The following PSME3IP1 variants were observed in gnomAD, a reference collection of about 807,000 sequenced individuals.
PSME3IP1 encodes PSME3-interacting protein.
A neutral mutation model predicts 34.1 loss-of-function variants in PSME3IP1; 13 were observed. The observed-to-expected ratio is 0.38, with a 90% CI of 0.25 to 0.61. PSME3IP1 has a LOEUF of 0.61. Ranked by LOEUF, PSME3IP1 falls within the 20% of genes least tolerant of loss-of-function variation. The probability of loss-of-function intolerance (pLI) is 0.60; values close to 1 mark genes in which losing one functional copy is unlikely to be tolerated. For synonymous variants in PSME3IP1, 93 were observed against 114.3 expected, an observed-to-expected ratio of 0.81 and a Z score of 1.19; for missense variants, 237 against 301.4, an observed-to-expected ratio of 0.79 and a Z score of 1.58.
At chr16:57,160,798 A>G (rs1246604293) in intron 6 of PSME3IP1, among the ~76,000 whole-genome samples, 1 of 152,224 alleles carries the variant, frequency 6.6e-6, no homozygotes, top group Non-Finnish European at 1.5e-5. Context: ...TTAAAATACT[A>G]CTAACAATGA....
At chr16:57,185,484 G>C (rs935070100) in intron 1 of PSME3IP1, 1 of 982,220 alleles carries the variant, frequency 1.0e-6, no homozygotes, top group East Asian at 1.1e-4. Context: ...GAGTAACCTG[G>C]ACCTGTTCCA....
intron 5 of PSME3IP1, among the ~76,000 whole-genome samples, chr16:57,164,708 C>T (rs1252062092): frequency 6.6e-6 from 1 of 152,166 alleles, no homozygotes; most frequent in Non-Finnish European, 1.5e-5. Flanking sequence ...TATTTTCTTG[C>T]AGGGAGTACA....
intron 2 of PSME3IP1, 85 bp from the exon 3 acceptor site, chr16:57,172,959 A>G: frequency 1.1e-6 from 1 of 901,520 alleles, no homozygotes; most frequent in Non-Finnish European, 1.8e-6. Flanking sequence ...GGAATCACAA[A>G]AGGTTTTAAA....
chr16:57,163,484 T>A, intron 6 of PSME3IP1, among the ~76,000 whole-genome samples: 1 of 152,224 alleles, frequency 6.6e-6, no homozygotes, highest in East Asian at 1.9e-4. Flanking sequence ...CCAGCCCCAG[T>A]AACATTCACC....
At chr16:57,174,520 C>A in intron 1 of PSME3IP1, 1 of 985,410 alleles carries the variant, frequency 1.0e-6, no homozygotes, top group East Asian at 1.1e-4. Context: ...CTGAGCATCC[C>A]ATCCTTTTCC....
intron 6 of PSME3IP1, among the ~76,000 whole-genome samples, chr16:57,155,525 T>C (rs1159629043): frequency 6.6e-6 from 1 of 152,132 alleles, no homozygotes; most frequent in African/African-American, 2.4e-5. Context: ...TCCCACACTT[T>C]GGGAGGCCAA....
At chr16:57,178,585 A>C (rs1416341378) in intron 1 of PSME3IP1, 1 of 985,256 alleles carries the variant, frequency 1.0e-6, no homozygotes, top group African/African-American at 1.7e-5. Context: ...TGTGCAATGT[A>C]AGTTATAGAG....
chr16:57,163,057 C>A (rs976364331), intron 6 of PSME3IP1, among the ~76,000 whole-genome samples: 1 of 151,890 alleles, frequency 6.6e-6, no homozygotes, highest in Non-Finnish European at 1.5e-5. Context: ...CCCAAATACT[C>A]GGGAGGGTGA....
rs144427147 is a variant in PSME3IP1 at position 57,172,991 on chromosome 16, G to A, written c.128-117C>T. On this transcript the variant is annotated intron_variant, in intron 2 of 6. Coordinates refer to ENST00000309137, the MANE Select transcript of PSME3IP1 (RefSeq NM_024946.4). ...TAAAGACAAAGTCAAGTCTCTGCAT[G>A]ATCTGAGGGTGTGGATAACACAAAA... 1,106 of 699,958 alleles carry A rather than the reference G, an allele frequency of 1.6e-3. 9 individuals are homozygous for A. In the Middle Eastern group the frequency reaches 0.024, roughly 15 times the overall value. 43.4% of individuals were successfully genotyped at this position (699,958 alleles called of 1,614,324 possible).
intron 4 of PSME3IP1, among the ~76,000 whole-genome samples, chr16:57,171,190 G>A (rs2072543092): frequency 6.6e-6 from 1 of 152,150 alleles, no homozygotes; most frequent in Non-Finnish European, 1.5e-5. Flanking sequence ...AAAATCTGAG[G>A]GCAGAACATT....
intron 6 of PSME3IP1, among the ~76,000 whole-genome samples, chr16:57,155,486 G>A (rs1177943526): frequency 6.6e-6 from 1 of 152,090 alleles, no homozygotes; most frequent in Non-Finnish European, 1.5e-5. Context: ...AAATTAGACA[G>A]TGCCAAGTGA....
At chr16:57,172,950 G>A (rs1268562715) in intron 2 of PSME3IP1, 76 bp from the exon 3 acceptor site, 2 of 1,000,000 alleles carry the variant, frequency 2.0e-6, no homozygotes, top group Admixed American at 3.6e-5. Flanking sequence ...TATTATTTTG[G>A]AATCACAAAA....
Position 57,185,826 on chromosome 16 carries a change from G to C in PSME3IP1, c.-21C>G, listed in dbSNP as rs565808651. 1.0e-6 allele frequency: 1 copy of C among 985,112 alleles called. No homozygotes were observed. Among genetic ancestry groups the C allele is most frequent in the African/African-American group, 1.7e-5 (1 of 57,158 alleles). 61.0% of individuals were successfully genotyped at this position (985,112 alleles called of 1,614,324 possible). On this transcript the variant is annotated 5_prime_UTR_variant, in exon 1 of 7. Coordinates refer to ENST00000309137, the MANE Select transcript of PSME3IP1 (RefSeq NM_024946.4). ...AGGACCGAGGCCGCACTCACCTACC[G>C]GCGCGCGGGAGGCGAGACGACCTCA...
intron 6 of PSME3IP1, among the ~76,000 whole-genome samples, chr16:57,162,951 G>A (rs2071435429): frequency 6.6e-6 from 1 of 152,080 alleles, no homozygotes; most frequent in African/African-American, 2.4e-5. Context: ...GATCACTTGA[G>A]GTCAGGAGTG....
chr16:57,164,139 A>G (rs993873484), intron 5 of PSME3IP1, 74 bp from the exon 6 acceptor site: 16 of 1,284,728 alleles, frequency 1.2e-5, no homozygotes, highest in Middle Eastern at 4.9e-4. Context: ...AGGAGCTCCA[A>G]TAACTATTTA....
At chr16:57,184,451 C>T (rs1227955274) in intron 1 of PSME3IP1, among the ~76,000 whole-genome samples, 2 of 151,988 alleles carry the variant, frequency 1.3e-5, no homozygotes, top group East Asian at 1.9e-4. Context: ...TTAAACTTGT[C>T]GATACTTGAT....
chr16:57,154,298 C>G lies in PSME3IP1; in HGVS notation c.757G>C (p.Ala253Pro). The G allele has an allele frequency of 1.9e-6, 3 of 1,613,650 alleles. No individual in the cohort carries two copies. Among genetic ancestry groups the G allele is most frequent in the Non-Finnish European group, 2.5e-6 (3 of 1,179,912 alleles). The change falls in exon 7 of 7, where the codon GCC (alanine) becomes CCC (proline). Residue 253 changes from alanine (A) to proline (P), a missense_variant. Physicochemically the swap from Ala to Pro is conservative, Grantham distance 27. Transcript: ENST00000309137. The surrounding 1 kb of genome is among the most constrained non-coding windows in gnomAD (Gnocchi z 4.0). Reference sequence around the variant, plus strand: ...GTGTAGGGACGGAGAAACTAGGGGGCCTCGAGGAAGGTGTTGGTTCGGAAG... The same window carrying G: ...GTGTAGGGACGGAGAAACTAGGGGGGCTCGAGGAAGGTGTTGGTTCGGAAG... ...SIFRTNTFLE[A>P]P
At chr16:57,177,614 A>G (rs2073312029) in intron 1 of PSME3IP1, among the ~76,000 whole-genome samples, 1 of 152,232 alleles carries the variant, frequency 6.6e-6, no homozygotes, top group South Asian at 2.1e-4. Context: ...AGAAAAATAC[A>G]AGAAATGTAT....
intron 1 of PSME3IP1, among the ~76,000 whole-genome samples, chr16:57,183,275 G>C (rs1228916331): frequency 6.6e-6 from 1 of 152,104 alleles, no homozygotes; most frequent in Non-Finnish European, 1.5e-5. Flanking sequence ...TTGAAATAGT[G>C]GGCTAGGTAA....
Sources: gnomAD v4.1 joint callset for allele counts (sites outside exome capture counted in the v4.1 genomes callset) on GRCh38, gnomAD v4.1.1 for gene constraint, Gnocchi (gnomAD v3.1) non-coding constraint, MANE v1.5 for transcripts, NCBI Gene and HGNC (gene_info 2026-07-23, HGNC 2026-07-21) for gene names.